Variants in MINDY4 observed in about 807,000 individuals in gnomAD.
MINDY4 encodes probable ubiquitin carboxyl-terminal hydrolase MINDY-4.
In MINDY4, 68 loss-of-function variants were observed where a neutral mutation model predicts 87.0. That is an observed-to-expected ratio of 0.78 (90% confidence interval 0.64 to 0.96). The LOEUF (loss-of-function observed/expected upper bound fraction) is 0.96, where lower values mean the gene tolerates loss of function less well. Ranked by LOEUF, MINDY4 falls within the 40% of genes least tolerant of loss-of-function variation. The pLI is 0.00. For synonymous variants in MINDY4, 379 were observed against 363.2 expected (o/e 1.04, Z -0.50); for missense variants, 919 against 928.2 (o/e 0.99, Z 0.13).
At chr7:30,862,729 T>C (rs958477889) in intron 13 of MINDY4, among the ~76,000 whole-genome samples, 1 of 152,200 alleles carries the variant, frequency 6.6e-6, no homozygotes, top group Non-Finnish European at 1.5e-5. Context: ...CACTCACTTC[T>C]TGACCACAAG....
chr7:30,859,254 C>T lies in MINDY4; in HGVS notation c.1678-3C>T, dbSNP rs766879898. ...GGAGCTCATTTTTCTCTCCCCCTCC[C>T]AGTTTGAAGTGGGCCCCTATGGCTG... is the stretch of plus-strand genomic sequence containing the variant. On this transcript the variant is annotated splice_polypyrimidine_tract_variant and splice_region_variant and intron_variant, in intron 12 of 17. Coordinates refer to ENST00000265299, the MANE Select transcript of MINDY4 (RefSeq NM_032222.3). The T allele has an allele frequency of 1.2e-6, 2 of 1,614,056 alleles. No individual in the cohort carries two copies. The highest frequency in any genetic ancestry group is 2.2e-5 in the South Asian group (2 of 91,078).
At chr7:30,783,629 G>C (rs147053047) in intron 3 of MINDY4, among the ~76,000 whole-genome samples, 2 of 152,206 alleles carry the variant, frequency 1.3e-5, no homozygotes, top group Middle Eastern at 3.4e-3. Context: ...AAAATCTTTG[G>C]GGGGGTCACT....
intron 5 of MINDY4, among the ~76,000 whole-genome samples, chr7:30,812,045 A>G (rs1167709275): frequency 1.3e-5 from 2 of 152,190 alleles, no homozygotes; most frequent in African/African-American, 4.8e-5. Context: ...AAAGAAAATA[A>G]CTACAAAAGG....
intron 13 of MINDY4, among the ~76,000 whole-genome samples, chr7:30,871,671 C>T (rs550918217): frequency 3.0e-4 from 46 of 152,214 alleles, no homozygotes; most frequent in Non-Finnish European, 5.0e-4. Flanking sequence ...GCACAGGCCT[C>T]AGAGCTGGGC....
rs755220381 is a variant in MINDY4 at position 30,882,266 on chromosome 7, C to T, written c.2057C>T (p.Pro686Leu). 38 of 1,613,834 alleles carry T rather than the reference C, an allele frequency of 2.4e-5. No individual in the cohort carries two copies. Among genetic ancestry groups the T allele is most frequent in the Middle Eastern group, 1.6e-4 (1 of 6,080 alleles). The change falls in exon 16 of 18, where the codon CCG (proline) becomes CTG (leucine). Residue 686 changes from proline (P) to leucine (L), a missense_variant. Physicochemically the swap from Pro to Leu is moderately conservative, Grantham distance 98. Transcript: ENST00000265299. ...SHFSILFSLQ[P>L]GLLRDWRTER... The stretch of plus-strand genomic sequence containing the variant: ...TTCAGCATCCTCTTTAGCCTGCAGC[C>T]GGGGCTCCTGCGTGACTGGAGGACT...
chr7:30,850,937 C>G (rs1789396323), intron 10 of MINDY4, among the ~76,000 whole-genome samples: 1 of 152,144 alleles, frequency 6.6e-6, no homozygotes, highest in Non-Finnish European at 1.5e-5. Context: ...CAGTCCTGAC[C>G]CCACTGTACT....
chr7:30,777,463 T>G (rs1373888823), intron 1 of MINDY4, among the ~76,000 whole-genome samples: 1 of 152,184 alleles, frequency 6.6e-6, no homozygotes, highest in Non-Finnish European at 1.5e-5. Flanking sequence ...TCCATTTCTT[T>G]CCATTTCCCT....
intron 2 of MINDY4, among the ~76,000 whole-genome samples, chr7:30,779,146 C>G (rs1028644796): frequency 6.6e-6 from 1 of 152,170 alleles, no homozygotes; most frequent in Admixed American, 6.5e-5. Context: ...ATGGCACCCT[C>G]TAGTTTTCCT....
intron 10 of MINDY4, among the ~76,000 whole-genome samples, chr7:30,851,737 A>T (rs998671863): frequency 6.6e-6 from 1 of 152,198 alleles, no homozygotes; most frequent in African/African-American, 2.4e-5. Context: ...CTACACAGCC[A>T]CTAAAGGAGC....
intron 5 of MINDY4, among the ~76,000 whole-genome samples, chr7:30,813,239 A>C (rs899215161): frequency 9.9e-5 from 15 of 152,260 alleles, no homozygotes; most frequent in African/African-American, 3.6e-4. Flanking sequence ...GAGAAAAGGG[A>C]TTGTGCTGCT....
At chr7:30,846,347 A>G (rs551415053) in intron 9 of MINDY4, among the ~76,000 whole-genome samples, 59 of 152,216 alleles carry the variant, frequency 3.9e-4, no homozygotes, top group Non-Finnish European at 6.2e-4. Flanking sequence ...CATCTGAAAC[A>G]CTTGGGTAAT....
Position 30,875,546 on chromosome 7 carries a change from G to A in MINDY4, c.1861G>A (p.Asp621Asn), listed in dbSNP as rs375320849. Residue 621 changes from aspartate to asparagine, a missense_variant, in exon 15 of 18, where the codon GAT becomes AAT. Asp to Asn is a conservative substitution (Grantham distance 23, BLOSUM62 1). Coordinates refer to ENST00000265299, the MANE Select transcript of MINDY4 (RefSeq NM_032222.3). ...TGKAVSNVFN[D>N]VVELDSGDGN... ...GAAAGCTGTGTCCAACGTTTTCAAC[G>A]ATGTGGTTGAGCTGGATTCTGGGGA... The A allele has an allele frequency of 4.3e-5, 70 of 1,614,114 alleles. No individual in the cohort carries two copies. The highest frequency in any genetic ancestry group is 3.3e-4 in the Middle Eastern group (2 of 6,082).
At chr7:30,820,908 C>G (rs1347506482) in intron 5 of MINDY4, among the ~76,000 whole-genome samples, 3 of 152,086 alleles carry the variant, frequency 2.0e-5, no homozygotes, top group Non-Finnish European at 4.4e-5. Flanking sequence ...TGAGGAACTC[C>G]CAGACTGTTT....
At chr7:30,817,736 CTG>C (rs767258530) in intron 5 of MINDY4, among the ~76,000 whole-genome samples, 3 of 152,234 alleles carry the variant, frequency 2.0e-5, no homozygotes, top group Admixed American at 6.5e-5. Context: ...GGCAATGCGT[CTG>C]TTGCCAGGTG....
In MINDY4 at chr7:30,882,309, G is replaced by T; in HGVS notation, c.2100G>T (p.Leu700Phe). 6.2e-7 allele frequency: 1 copy of T among 1,612,946 alleles called. No homozygotes were observed. The highest frequency in any genetic ancestry group is 8.5e-7 in the Non-Finnish European group (1 of 1,179,084). The change falls in exon 16 of 18, where the codon TTG (leucine) becomes TTT (phenylalanine). Residue 700 changes from leucine to phenylalanine, a missense_variant. Leu to Phe is a conservative substitution (Grantham distance 22, BLOSUM62 0). Transcript: ENST00000265299. ...RDWRTERLFD[L>F]YYYDGLANQQ... ...GGAGGACTGAGAGGCTCTTTGACTT[G>T]TACTACTACGATGGCCTGGCCAACC... is the stretch of plus-strand genomic sequence containing the variant.
At chr7:30,835,209 G>A (rs755908286) in intron 6 of MINDY4, among the ~76,000 whole-genome samples, 5 of 152,248 alleles carry the variant, frequency 3.3e-5, no homozygotes, top group Non-Finnish European at 7.3e-5. Context: ...GCACATGGCT[G>A]GGGAGGCCTC....
intron 5 of MINDY4, among the ~76,000 whole-genome samples, chr7:30,822,994 G>A (rs1234163251): frequency 6.6e-6 from 1 of 151,970 alleles, no homozygotes; most frequent in Non-Finnish European, 1.5e-5. Flanking sequence ...GAATGGGCTT[G>A]TCCTAAGAAC....
rs145225621 is a variant in MINDY4, at chr7:30,809,175, G to A, written c.1073+17601G>A. On this transcript the variant is annotated intron_variant, in intron 5 of 17. Coordinates refer to ENST00000265299, the MANE Select transcript of MINDY4 (RefSeq NM_032222.3). ...ACACTCCAGTACCACTTTGTTGTCA[G>A]TGTAAACAAGGGTGTATCCCGAAAG... 5.7e-3 allele frequency among the ~76,000 whole-genome samples: 864 copies of A among 152,204 alleles called. 4 individuals are homozygous for A. The highest frequency in any genetic ancestry group is 0.02 in the African/African-American group (819 of 41,532).
intron 12 of MINDY4, chr7:30,858,577 C>G (rs542985907): frequency 3.2e-4 from 48 of 152,006 alleles, no homozygotes; most frequent in African/African-American, 1.2e-3. Context: ...ATTAGCAAAA[C>G]CTATCTTTTT....
Sources: allele counts gnomAD v4.1 joint callset (sites outside exome capture counted in the v4.1 genomes callset), GRCh38; gene constraint gnomAD v4.1.1; transcripts MANE v1.5; gene names NCBI Gene and HGNC (gene_info 2026-07-23, HGNC 2026-07-21).